The following KIRREL3 variants were observed in gnomAD, a reference collection of about 807,000 sequenced individuals.
KIRREL3 encodes kirre like nephrin family adhesion molecule 3, also known as kin of IRRE-like protein 3.
KIRREL3 carries 36 observed loss-of-function variants against 89.7 expected under a neutral mutation model. The ratio of observed to expected loss-of-function variants is 0.40; its 90% CI spans 0.31 to 0.53. KIRREL3 has a LOEUF of 0.53. Among genes scored for constraint, KIRREL3 ranks in the 20% least tolerant of loss-of-function variants. The pLI is 0.49. For missense variants in KIRREL3, 864 were observed against 1,056.6 expected, an observed-to-expected ratio of 0.82 and a Z score of 2.53; for synonymous variants, 445 against 441.4, an observed-to-expected ratio of 1.01 and a Z score of -0.10.
At chr11:126,633,447 G>T (rs1279902793) in intron 1 of KIRREL3, among the ~76,000 whole-genome samples, 1 of 152,150 alleles carries the variant, frequency 6.6e-6, no homozygotes, top group Non-Finnish European at 1.5e-5. Flanking sequence ...GTCATGAATG[G>T]CTTGGTGTCA....
In KIRREL3 at chr11:126,830,602, G is replaced by C. The variant is rs761434100; in HGVS notation, c.55+169853C>G. On this transcript the variant is annotated intron_variant, in intron 1 of 16. Coordinates refer to ENST00000525144, the MANE Select transcript of KIRREL3 (RefSeq NM_032531.4). This position sits in a 1 kb window ranked among gnomAD's most constrained non-coding sequence, Gnocchi z 4.9. ...GTCATCTCTTAGTGTTTCGATTTTA[G>C]AGCGGCTGTTAAGAGCCAGCTAAGC... is the stretch of plus-strand genomic sequence containing the variant. Among the ~76,000 whole-genome samples the C allele has an allele frequency of 2.0e-5, 3 of 152,178 alleles. No individual in the cohort carries two copies. Among genetic ancestry groups the C allele is most frequent in the Non-Finnish European group, 4.4e-5 (3 of 68,044 alleles).
Position 126,696,231 on chromosome 11 carries a change from T to G in KIRREL3, c.56-133319A>C, listed in dbSNP as rs1042444754. On this transcript the variant is annotated intron_variant, in intron 1 of 16. Coordinates refer to ENST00000525144, the MANE Select transcript of KIRREL3 (RefSeq NM_032531.4). This position sits in a 1 kb window ranked among gnomAD's most constrained non-coding sequence, Gnocchi z 4.4. ...AACATCCCGCCACTCCACTCCAGCC[T>G]GGGCCACTGAGCGAGACTCTATCTC... Among the ~76,000 whole-genome samples the G allele has an allele frequency of 4.7e-5, 7 of 149,688 alleles. No individual in the cohort carries two copies. The highest frequency in any genetic ancestry group is 2.1e-4 in the South Asian group (1 of 4,680).
Position 126,623,083 on chromosome 11 carries a change from A to T in KIRREL3, c.56-60171T>A, listed in dbSNP as rs369732911. On this transcript the variant is annotated intron_variant, in intron 1 of 16. Transcript: ENST00000525144. This position sits in a 1 kb window ranked among gnomAD's most constrained non-coding sequence, Gnocchi z 4.1. Reference sequence around the variant, plus strand: ...ATTTACAAAGCGTTATCCACTAGTTATCTCACTGATTTTCCCAAGAGACTT... The same window carrying T: ...ATTTACAAAGCGTTATCCACTAGTTTTCTCACTGATTTTCCCAAGAGACTT... Among the ~76,000 whole-genome samples the T allele has an allele frequency of 2.6e-4, 40 of 152,304 alleles. No homozygotes were observed. Among genetic ancestry groups the T allele is most frequent in the Admixed American group, 2.3e-3 (35 of 15,292 alleles).
chr11:126,798,456 C>T (rs1012815604), intron 1 of KIRREL3, among the ~76,000 whole-genome samples: 1 of 152,184 alleles, frequency 6.6e-6, no homozygotes, highest in Non-Finnish European at 1.5e-5. Context: ...TAGGTAAACA[C>T]ATTTTGGAAA....
At chr11:126,934,478 T>C (rs1015424634) in intron 1 of KIRREL3, among the ~76,000 whole-genome samples, 7 of 152,090 alleles carry the variant, frequency 4.6e-5, no homozygotes, top group Non-Finnish European at 1.0e-4. Flanking sequence ...ATTTCTGCAT[T>C]TGAAAAGACA....
intron 4 of KIRREL3, among the ~76,000 whole-genome samples, chr11:126,478,313 C>T (rs529821659): frequency 2.0e-5 from 3 of 152,192 alleles, no homozygotes; most frequent in Non-Finnish European, 2.9e-5. Flanking sequence ...TATCTGTCAC[C>T]GTTCTAGAAA....
chr11:126,562,818 G>T lies in KIRREL3; in HGVS notation c.133+17C>A. ...CCTCCAGATTACTCCCGAGACAATGGGGAGGTTCTCACTGACCTTCATTCA... is the reference window on the plus strand; with the variant it reads ...CCTCCAGATTACTCCCGAGACAATGTGGAGGTTCTCACTGACCTTCATTCA... On this transcript the variant is annotated intron_variant, in intron 2 of 16. Coordinates refer to ENST00000525144, the MANE Select transcript of KIRREL3 (RefSeq NM_032531.4). This position sits in a 1 kb window ranked among gnomAD's most constrained non-coding sequence, Gnocchi z 4.7. 6.2e-7 allele frequency: 1 copy of T among 1,608,718 alleles called. No individual in the cohort carries two copies.
Position 126,479,780 on chromosome 11 carries a change from G to A in KIRREL3, c.434-6314C>T, listed in dbSNP as rs149300541. 2.1e-3 allele frequency among the ~76,000 whole-genome samples: 317 copies of A among 152,280 alleles called. 1 individual carries two copies. The highest frequency in any genetic ancestry group is 7.4e-3 in the African/African-American group (308 of 41,556). Reference sequence around the variant, plus strand: ...CTGCTTACTAGCTTTGGAGTTACACGATCTTGTTTCAGAACAGCTTCCTTT... The same window carrying A: ...CTGCTTACTAGCTTTGGAGTTACACAATCTTGTTTCAGAACAGCTTCCTTT... On this transcript the variant is annotated intron_variant, in intron 4 of 16. Coordinates refer to ENST00000525144, the MANE Select transcript of KIRREL3 (RefSeq NM_032531.4).
intron 1 of KIRREL3, among the ~76,000 whole-genome samples, chr11:126,839,348 C>T (rs1257491632): frequency 6.6e-6 from 1 of 152,100 alleles, no homozygotes; most frequent in Non-Finnish European, 1.5e-5. Context: ...ATAGTGTTTA[C>T]ATGCAACACG....
rs537150651 is a variant in KIRREL3 at position 126,851,624 on chromosome 11, C to T, written c.55+148831G>A. ...GCCCTGGGAACCACATCCTGAACCC[C>T]CACCAAGACCAAGGTGTCTTTATTC... On this transcript the variant is annotated intron_variant, in intron 1 of 16. Coordinates refer to ENST00000525144, the MANE Select transcript of KIRREL3 (RefSeq NM_032531.4). 3.9e-5 allele frequency among the ~76,000 whole-genome samples: 6 copies of T among 152,264 alleles called. No individual in the cohort carries two copies. In the South Asian group the frequency reaches 6.2e-4, roughly 16 times the overall value.
At chr11:126,673,243 A>G (rs997104777) in intron 1 of KIRREL3, among the ~76,000 whole-genome samples, 1 of 152,252 alleles carries the variant, frequency 6.6e-6, no homozygotes, top group African/African-American at 2.4e-5. Flanking sequence ...GGCTCGAAAG[A>G]GCGGAGAGGT....
chr11:126,465,612 T>C (rs1165361502), intron 5 of KIRREL3, among the ~76,000 whole-genome samples: 1 of 152,212 alleles, frequency 6.6e-6, no homozygotes, highest in Non-Finnish European at 1.5e-5. Context: ...CACATCTTGC[T>C]GGAGGCAAAG....
rs1002611302 is a variant in KIRREL3 at position 126,462,749 on chromosome 11, G to A, written c.742+408C>T. Among the ~76,000 whole-genome samples the A allele has an allele frequency of 1.3e-5, 2 of 152,136 alleles. No individual in the cohort carries two copies. Among genetic ancestry groups the A allele is most frequent in the African/African-American group, 4.8e-5 (2 of 41,428 alleles). On this transcript the variant is annotated intron_variant, in intron 6 of 16. Transcript: ENST00000525144. The surrounding 1 kb of genome is among the most constrained non-coding windows in gnomAD (Gnocchi z 4.8). ...CCTTGATCAACCCTTCCATGAGAGT[G>A]GCTGGTGCACCCTCTCCAGAGCACA... is the stretch of plus-strand genomic sequence containing the variant.
chr11:126,898,332 C>T lies in KIRREL3; in HGVS notation c.55+102123G>A, dbSNP rs533805006. Among the ~76,000 whole-genome samples the T allele has an allele frequency of 2.0e-5, 3 of 152,106 alleles. No individual in the cohort carries two copies. Among genetic ancestry groups the T allele is most frequent in the Non-Finnish European group, 4.4e-5 (3 of 68,030 alleles). ...ACCAGTGTTGAGAATATAAACTGGT[C>T]GGATATTTTAGAATATTCCTGGCAG... is the stretch of plus-strand genomic sequence containing the variant. On this transcript the variant is annotated intron_variant, in intron 1 of 16. Transcript: ENST00000525144. The surrounding 1 kb of genome is among the most constrained non-coding windows in gnomAD (Gnocchi z 4.9).
chr11:126,896,647 G>A lies in KIRREL3; in HGVS notation c.55+103808C>T, dbSNP rs550068278. Among the ~76,000 whole-genome samples the A allele has an allele frequency of 8.5e-5, 13 of 152,266 alleles. No individual in the cohort carries two copies. Among genetic ancestry groups the A allele is most frequent in the Middle Eastern group, 3.4e-3 (1 of 294 alleles). Reference sequence around the variant, plus strand: ...CCCACCATGCAGTGCATGGGAGACCGAGGGAATGGCTGGGACTTTAATTCT... The same window carrying A: ...CCCACCATGCAGTGCATGGGAGACCAAGGGAATGGCTGGGACTTTAATTCT... On this transcript the variant is annotated intron_variant, in intron 1 of 16. Coordinates refer to ENST00000525144, the MANE Select transcript of KIRREL3 (RefSeq NM_032531.4). The surrounding 1 kb of genome is among the most constrained non-coding windows in gnomAD (Gnocchi z 4.1).
At position 126,628,493 on chromosome 11, in the gene KIRREL3, G is replaced by C. The variant is rs896343776; in HGVS notation, c.56-65581C>G. On this transcript the variant is annotated intron_variant, in intron 1 of 16. Coordinates refer to ENST00000525144, the MANE Select transcript of KIRREL3 (RefSeq NM_032531.4). This position sits in a 1 kb window ranked among gnomAD's most constrained non-coding sequence, Gnocchi z 5.2. ...GTGGTTAATGAATGTTTGCTGAGCAGGAAGAACAGTATATCCCGTTCTCCT... is the reference window on the plus strand; with the variant it reads ...GTGGTTAATGAATGTTTGCTGAGCACGAAGAACAGTATATCCCGTTCTCCT... Among the ~76,000 whole-genome samples, 2 of 152,222 alleles carry C rather than the reference G, an allele frequency of 1.3e-5. No homozygotes were observed. The highest frequency in any genetic ancestry group is 4.8e-5 in the African/African-American group (2 of 41,454).
At position 126,764,344 on chromosome 11, in the gene KIRREL3, A is replaced by G. The variant is rs1489290974; in HGVS notation, c.56-201432T>C. ...CTTAGCTAGATACAGATGGAAAAAA[A>G]AAATGACAGCATTGGGCTGACACCT... is the stretch of plus-strand genomic sequence containing the variant. On this transcript the variant is annotated intron_variant, in intron 1 of 16. Coordinates refer to ENST00000525144, the MANE Select transcript of KIRREL3 (RefSeq NM_032531.4). This position sits in a 1 kb window ranked among gnomAD's most constrained non-coding sequence, Gnocchi z 4.2. Among the ~76,000 whole-genome samples the G allele has an allele frequency of 6.6e-6, 1 of 152,194 alleles. No individual in the cohort carries two copies. The highest frequency in any genetic ancestry group is 1.5e-5 in the Non-Finnish European group (1 of 68,036).
chr11:126,742,466 T>C lies in KIRREL3; in HGVS notation c.56-179554A>G, dbSNP rs1000803107. Among the ~76,000 whole-genome samples the C allele has an allele frequency of 6.6e-6, 1 of 152,152 alleles. No homozygotes were observed. Among genetic ancestry groups the C allele is most frequent in the Admixed American group, 6.5e-5 (1 of 15,284 alleles). On this transcript the variant is annotated intron_variant, in intron 1 of 16. Coordinates refer to ENST00000525144, the MANE Select transcript of KIRREL3 (RefSeq NM_032531.4). This position sits in a 1 kb window ranked among gnomAD's most constrained non-coding sequence, Gnocchi z 5.3. ...AAGTCAATCTCTTCGTCAGGCTGAA[T>C]GTGGCTCACAGAAGCATCTCACACC...
At chr11:126,505,565 C>T (rs1957993187) in intron 4 of KIRREL3, among the ~76,000 whole-genome samples, 1 of 134,334 alleles carries the variant, frequency 7.4e-6, no homozygotes, top group South Asian at 2.3e-4. Flanking sequence ...GAGTGTAACT[C>T]CATCTCTTTA....
Sources: allele counts gnomAD v4.1 joint callset (sites outside exome capture counted in the v4.1 genomes callset), GRCh38; gene constraint gnomAD v4.1.1; non-coding constraint Gnocchi (gnomAD v3.1); transcripts MANE v1.5; gene names NCBI Gene and HGNC (gene_info 2026-07-23, HGNC 2026-07-21).